MZT2A: variants seen among roughly 807,000 people sequenced by gnomAD.
The protein encoded by MZT2A is mitotic-spindle organizing protein 2A.
MZT2A carries 8 observed loss-of-function variants against 12.4 expected under a neutral mutation model. The ratio of observed to expected loss-of-function variants is 0.64; its 90% CI spans 0.38 to 1.16. The LOEUF is 1.16. Among genes scored for constraint, MZT2A ranks in the 50% most tolerant of loss-of-function variants. The pLI is 0.01. For synonymous variants in MZT2A, 88 were observed against 107.5 expected (o/e 0.82, Z 1.12); for missense variants, 181 against 223.6 (o/e 0.81, Z 1.22).
At chr2:131,474,675 G>C (rs10177130) in intron 2 of MZT2A, among the ~76,000 whole-genome samples, 25,803 of 151,334 alleles carry the variant, frequency 0.17, 4,032 homozygotes, top group African/African-American at 0.42. Context: ...CTCCCAAAGT[G>C]CTGGGATTAC....
chr2:131,470,579 A>G (rs1260055747), intron 3 of MZT2A, among the ~76,000 whole-genome samples: 19 of 152,254 alleles, frequency 1.2e-4, no homozygotes, highest in Non-Finnish European at 2.5e-4. Context: ...CCACACCAAG[A>G]AAGACCCTGC....
chr2:131,478,014 G>C (rs1016430904), intron 2 of MZT2A: 1 of 1,004,248 alleles, frequency 1.0e-6, no homozygotes, highest in Non-Finnish European at 1.4e-6. Context: ...GCGATAAAGG[G>C]ATCAGTCACT....
At chr2:131,491,147 T>C (rs1483955693) in intron 2 of MZT2A, 1 of 582,616 alleles carries the variant, frequency 1.7e-6, no homozygotes, top group Non-Finnish European at 3.1e-6. Flanking sequence ...GAGAGAGCCA[T>C]CGGGAGCAGA....
upstream of MZT2A, chr2:131,492,598 C>T (rs1679387761): frequency 8.4e-7 from 1 of 1,184,544 alleles, no homozygotes; most frequent in South Asian, 2.2e-5. Context: ...AGTGGCATGG[C>T]GGACTGCAGG....
At chr2:131,471,458 GAAAAA>G (rs1344465825) in intron 3 of MZT2A, among the ~76,000 whole-genome samples, 8 of 125,596 alleles carry the variant, frequency 6.4e-5, no homozygotes, top group Admixed American at 5.8e-4. Context: ...AAAAAAAAAA[GAAAAA>G]AAGAAAAGAA....
intron 2 of MZT2A, among the ~76,000 whole-genome samples, chr2:131,485,518 A>G (rs1679019705): frequency 6.6e-6 from 1 of 152,144 alleles, no homozygotes; most frequent in Non-Finnish European, 1.5e-5. Context: ...GGCACGCTGC[A>G]GCCCCCTCTG....
chr2:131,491,989 G>A lies in MZT2A; in HGVS notation c.206C>T (p.Pro69Leu), dbSNP rs1410228768. 2.6e-6 allele frequency: 4 copies of A among 1,550,778 alleles called. No homozygotes were observed. Among genetic ancestry groups the A allele is most frequent in the Non-Finnish European group, 3.5e-6 (4 of 1,148,050 alleles). Residue 69 changes from proline (P) to leucine (L), a missense_variant, in exon 2 of 3, where the codon CCC (proline) becomes CTC (leucine). This residue lies in a region of MZT2A where 106 missense variants were observed against 127.2 expected (regional missense o/e 0.83). Coordinates refer to ENST00000309451, the MANE Select transcript of MZT2A (RefSeq NM_001085365.2). ...CTTGAGCATCTGGAAGACGGCGAGGGGGGCCACGTTCAGCTTCAGCAGGTC... is the reference window on the plus strand; with the variant it reads ...CTTGAGCATCTGGAAGACGGCGAGGAGGGCCACGTTCAGCTTCAGCAGGTC... ...LVDLLKLNVA[P>L]LAVFQMLKSM...
At chr2:131,480,572 T>C (rs1158193396), downstream of MZT2A, 4 of 1,611,292 alleles carry the variant, frequency 2.5e-6, no homozygotes, top group Admixed American at 5.0e-5. Flanking sequence ...AGATCACCAA[T>C]GCCTGCTTCG....
Position 131,491,160 on chromosome 2 carries a change from C to A in MZT2A, c.319+716G>T, listed in dbSNP as rs1308045018. 5.2e-5 allele frequency: 29 copies of A among 553,082 alleles called. No individual in the cohort carries two copies. The East Asian group carries it at 9.3e-4, about 18-fold the overall frequency. The allele number at this position is 553,082 out of a possible 1,614,324, so 34.3% of individuals were successfully genotyped here. A position where few individuals can be genotyped will look rare whatever the true frequency, so the allele number is the denominator to read the frequency against. ...CAGAGAGAGCCATCGGGAGCAGAAG[C>A]AACATGCGGAGAGGATGAGCAGGGA... On this transcript the variant is annotated intron_variant, in intron 2 of 2. Transcript: ENST00000309451.
At chr2:131,470,391 G>C (rs1448093269) in intron 3 of MZT2A, 1 of 1,251,378 alleles carries the variant, frequency 8.0e-7, no homozygotes, top group Admixed American at 2.3e-5. Context: ...CAAAGGTCTG[G>C]AAGGCTGGAC....
chr2:131,490,659 T>G (rs1440221609), intron 2 of MZT2A: 32 of 1,549,098 alleles, frequency 2.1e-5, no homozygotes, highest in Non-Finnish European at 2.6e-5. Flanking sequence ...CCATGCAGTT[T>G]CCATGAAAAC....
chr2:131,487,928 T>C (rs1679121039), intron 2 of MZT2A, among the ~76,000 whole-genome samples: 1 of 152,194 alleles, frequency 6.6e-6, no homozygotes, highest in Non-Finnish European at 1.5e-5. Flanking sequence ...CACCATGCCC[T>C]GCTAATTTTT....
downstream of MZT2A, chr2:131,479,214 G>A: frequency 6.6e-7 from 1 of 1,526,120 alleles, no homozygotes; most frequent in Non-Finnish European, 8.8e-7. Flanking sequence ...ACTTTGAACA[G>A]CATGTGCTCT....
At chr2:131,487,722 T>C (rs1457646713) in intron 2 of MZT2A, among the ~76,000 whole-genome samples, 6 of 152,234 alleles carry the variant, frequency 3.9e-5, no homozygotes, top group African/African-American at 7.2e-5. Flanking sequence ...TCCAAAAATG[T>C]TGGGATTACA....
chr2:131,484,858 C>G (rs533945679), intron 2 of MZT2A, among the ~76,000 whole-genome samples: 1 of 152,360 alleles, frequency 6.6e-6, no homozygotes, highest in South Asian at 2.1e-4. Flanking sequence ...GACTTTCCTT[C>G]TGAACACCAG....
chr2:131,488,277 A>T (rs1178053115), intron 2 of MZT2A, among the ~76,000 whole-genome samples: 2 of 152,060 alleles, frequency 1.3e-5, no homozygotes, highest in African/African-American at 4.8e-5. Context: ...TTTTTCCCTC[A>T]ATGACTCCAG....
intron 2 of MZT2A, chr2:131,490,191 A>T: frequency 1.3e-6 from 1 of 743,982 alleles, no homozygotes; most frequent in Non-Finnish European, 1.6e-6. Context: ...TGACACCTGG[A>T]AAGTGTCCCA....
chr2:131,474,198 T>C (rs6722714), intron 2 of MZT2A, among the ~76,000 whole-genome samples: 25,283 of 147,730 alleles, frequency 0.17, 3,880 homozygotes, highest in African/African-American at 0.42. Flanking sequence ...CCCGGGTTCA[T>C]GCCATCCTCC....
intron 2 of MZT2A, among the ~76,000 whole-genome samples, chr2:131,477,976 G>GAAAAC (rs1678730330): frequency 6.6e-6 from 1 of 152,176 alleles, no homozygotes; most frequent in South Asian, 2.1e-4. Context: ...TTACTAGCTA[G>GAAAAC]TATGGTTTAC....
Sources: allele counts gnomAD v4.1 joint callset (sites outside exome capture counted in the v4.1 genomes callset), GRCh38; gene constraint gnomAD v4.1.1; regional missense constraint gnomAD v4.1.1; transcripts MANE v1.5; gene names NCBI Gene and HGNC (gene_info 2026-07-23, HGNC 2026-07-21).